The following GMPS variants were observed in gnomAD, a reference collection of about 807,000 sequenced individuals.
GMPS encodes the protein guanosine monophosphate synthase, also known as GMP synthase [glutamine-hydrolyzing].
Under a neutral mutation model 77.9 loss-of-function variants are expected in GMPS, and 15 were observed. The ratio of observed to expected loss-of-function variants is 0.19; its 90% CI spans 0.13 to 0.30. The LOEUF (loss-of-function observed/expected upper bound fraction) is 0.30. GMPS is among the 10% of genes least tolerant of loss of function. The pLI, the probability that GMPS is intolerant of heterozygous loss-of-function variation, is 1.00. For missense variants in GMPS, 590 were observed against 838.8 expected (o/e 0.70, Z 3.66); for synonymous variants, 224 against 275.9 (o/e 0.81, Z 1.86).
Position 155,939,611 on chromosome 3 carries a change from A to G in GMPS, c.*1919A>G, listed in dbSNP as rs1333467876. 3 of 197,110 alleles carry G rather than the reference A, an allele frequency of 1.5e-5. No individual in the cohort carries two copies. Among genetic ancestry groups the G allele is most frequent in the African/African-American group, 6.9e-5 (3 of 43,406 alleles). 12.2% of individuals were successfully genotyped at this position (197,110 alleles called of 1,614,324 possible). ...ACAATTGTTAAATTCTGCTTAAATT[A>G]GTGTTTTCCTGATATTTGTTTTTTG... On this transcript the variant is annotated 3_prime_UTR_variant, in exon 16 of 16. Coordinates refer to ENST00000496455, the MANE Select transcript of GMPS (RefSeq NM_003875.3).
intron 1 of GMPS, among the ~76,000 whole-genome samples, chr3:155,884,376 A>C (rs564831956): frequency 6.7e-6 from 1 of 148,430 alleles, no homozygotes; most frequent in East Asian, 2.0e-4. Context: ...ACAGAGCGAG[A>C]CTCTGCCTCC....
At position 155,896,308 on chromosome 3, in the gene GMPS, G is replaced by A. The variant is rs531952082; in HGVS notation, c.210-1619G>A. ...ACAGGTGTGAGCCACCATGCCTGGC[G>A]TTAGCTTCTGTATTTTTAAGGAGTT... On this transcript the variant is annotated intron_variant, in intron 2 of 15. Coordinates refer to ENST00000496455, the MANE Select transcript of GMPS (RefSeq NM_003875.3). Among the ~76,000 whole-genome samples, 16 of 152,116 alleles carry A rather than the reference G, an allele frequency of 1.1e-4. No individual in the cohort carries two copies. The South Asian group carries it at 3.1e-3, about 30-fold the overall frequency.
At chr3:155,874,781 G>A (rs1229846114) in intron 1 of GMPS, among the ~76,000 whole-genome samples, 3 of 151,514 alleles carry the variant, frequency 2.0e-5, no homozygotes, top group African/African-American at 7.3e-5. Flanking sequence ...AAATGTATTT[G>A]ATACTTTTTT....
chr3:155,915,854 C>T (rs1413834642), intron 8 of GMPS, among the ~76,000 whole-genome samples, 165 bp from the exon 9 acceptor site: 2 of 152,096 alleles, frequency 1.3e-5, no homozygotes, highest in African/African-American at 4.8e-5. Flanking sequence ...CTTTTTGAAT[C>T]GTGTTAGAGG....
intron 12 of GMPS, among the ~76,000 whole-genome samples, chr3:155,930,499 A>C (rs1409051591): frequency 2.0e-5 from 3 of 151,048 alleles, no homozygotes; most frequent in Non-Finnish European, 4.4e-5. Context: ...CAAAAGCCAA[A>C]ATTGACAAAT....
rs1337904119 is a variant in GMPS, at chr3:155,938,551, C to T, written c.*859C>T. The T allele has an allele frequency of 4.8e-6, 1 of 206,792 alleles. No homozygotes were observed. Among genetic ancestry groups the T allele is most frequent in the Non-Finnish European group, 9.9e-6 (1 of 101,206 alleles). 12.8% of individuals were successfully genotyped at this position (206,792 alleles called of 1,614,324 possible). A position where few individuals can be genotyped will look rare whatever the true frequency, so the allele number is the denominator to read the frequency against. ...TAGAGGTCAAGAGGAGCATTTTCAT[C>T]TCTTCTTTTGCTGGTCAGAGAAACG... On this transcript the variant is annotated 3_prime_UTR_variant, in exon 16 of 16. Transcript: ENST00000496455.
intron 13 of GMPS, among the ~76,000 whole-genome samples, chr3:155,932,834 T>A (rs1408032321): frequency 4.6e-5 from 7 of 152,178 alleles, no homozygotes; most frequent in Non-Finnish European, 7.3e-5. Context: ...CTTACTCAAA[T>A]GAACTGAAAA....
At chr3:155,908,467 G>A (rs543114782) in intron 5 of GMPS, among the ~76,000 whole-genome samples, 8 of 152,104 alleles carry the variant, frequency 5.3e-5, no homozygotes, top group Non-Finnish European at 1.2e-4. Flanking sequence ...ACTTTTCCTG[G>A]TCATGTGAAA....
At position 155,925,224 on chromosome 3, in the gene GMPS, T is replaced by C. The variant is rs1225014380; in HGVS notation, c.1435-17T>C. ...TATTTCTTAAAACTGAAAAAATGCC[T>C]CTTTGGTTTTTCTCAGCCACATACC... is the stretch of plus-strand genomic sequence containing the variant. On this transcript the variant is annotated splice_polypyrimidine_tract_variant and intron_variant, in intron 11 of 15. Transcript: ENST00000496455. 6.3e-7 allele frequency: 1 copy of C among 1,597,736 alleles called. No homozygotes were observed. Among genetic ancestry groups the C allele is most frequent in the Non-Finnish European group, 8.5e-7 (1 of 1,173,816 alleles).
Position 155,938,243 on chromosome 3 carries a change from TA to T in GMPS, c.*553del. 4.5e-6 allele frequency: 1 copy of T among 221,016 alleles called. No individual in the cohort carries two copies. The highest frequency in any genetic ancestry group is 9.1e-6 in the Non-Finnish European group (1 of 110,398). 13.7% of individuals were successfully genotyped at this position (221,016 alleles called of 1,614,324 possible). ...TGAGGGTATAAAATGTAAGCTACCA[TA>T]AGATGGAAAAGCACCAGGAATTTGT... On this transcript the variant is annotated 3_prime_UTR_variant, in exon 16 of 16. Transcript: ENST00000496455.
intron 13 of GMPS, among the ~76,000 whole-genome samples, chr3:155,932,236 T>C (rs186186021): frequency 2.7e-5 from 4 of 150,872 alleles, no homozygotes; most frequent in Non-Finnish European, 4.4e-5. Flanking sequence ...TCCAGAAGGA[T>C]TGAAAAAAGT....
At chr3:155,874,655 C>T (rs1332920644) in intron 1 of GMPS, among the ~76,000 whole-genome samples, 1 of 151,868 alleles carries the variant, frequency 6.6e-6, no homozygotes, top group Non-Finnish European at 1.5e-5. Flanking sequence ...TTTTGAAATT[C>T]CTCCAGGAAT....
chr3:155,924,702 C>T (rs1009226425), intron 11 of GMPS, among the ~76,000 whole-genome samples: 3 of 151,822 alleles, frequency 2.0e-5, no homozygotes, highest in Non-Finnish European at 2.9e-5. Context: ...TATTGATAAC[C>T]TATAATTAAT....
intron 2 of GMPS, among the ~76,000 whole-genome samples, chr3:155,894,169 A>C (rs1754541824): frequency 6.6e-6 from 1 of 152,236 alleles, no homozygotes; most frequent in South Asian, 2.1e-4. Flanking sequence ...GAACTAGTCA[A>C]AATAACAGCC....
chr3:155,893,353 T>G (rs1754520194), intron 1 of GMPS, among the ~76,000 whole-genome samples, 165 bp from the exon 2 acceptor site: 1 of 152,236 alleles, frequency 6.6e-6, no homozygotes, highest in African/African-American at 2.4e-5. Context: ...TGGATATATA[T>G]TAAAATCTTC....
intron 1 of GMPS, 91 bp downstream of exon 1, chr3:155,870,988 T>G: frequency 3.4e-6 from 4 of 1,190,102 alleles, no homozygotes; most frequent in East Asian, 3.2e-5. Flanking sequence ...CCCCACCCCC[T>G]TCCCCCAGCC....
chr3:155,870,837 C>CGCCGTCACCGCCGCGGCTCCGGCCCTG lies in GMPS; in HGVS notation c.-30_-4dup. On this transcript the variant is annotated 5_prime_UTR_variant, in exon 1 of 16. Coordinates refer to ENST00000496455, the MANE Select transcript of GMPS (RefSeq NM_003875.3). The stretch of plus-strand genomic sequence containing the variant: ...ACCCTCCCGCCCCGTCTCGTACTGT[C>CGCCGTCACCGCCGCGGCTCCGGCCCTG]GCCGTCACCGCCGCGGCTCCGGCCC... 1.4e-6 allele frequency: 2 copies of CGCCGTCACCGCCGCGGCTCCGGCCCTG among 1,435,046 alleles called. No homozygotes were observed. Among genetic ancestry groups the CGCCGTCACCGCCGCGGCTCCGGCCCTG allele is most frequent in the Non-Finnish European group, 9.4e-7 (1 of 1,068,702 alleles). 88.9% of individuals were successfully genotyped at this position (1,435,046 alleles called of 1,614,324 possible).
intron 4 of GMPS, among the ~76,000 whole-genome samples, chr3:155,905,921 T>C (rs1350123440): frequency 1.3e-5 from 2 of 152,228 alleles, no homozygotes; most frequent in Admixed American, 6.5e-5. Context: ...CAACTTCATA[T>C]ATTTATTTGT....
intron 1 of GMPS, among the ~76,000 whole-genome samples, chr3:155,891,190 T>G (rs1754453433): frequency 6.6e-6 from 1 of 152,204 alleles, no homozygotes; most frequent in South Asian, 2.1e-4. Context: ...TAACTAAACC[T>G]TGGTATAAAC....
Sources: allele counts gnomAD v4.1 joint callset (sites outside exome capture counted in the v4.1 genomes callset), GRCh38; gene constraint gnomAD v4.1.1; transcripts MANE v1.5; gene names NCBI Gene and HGNC (gene_info 2026-07-23, HGNC 2026-07-21).